The following SIX2 variants were observed in gnomAD, a reference collection of about 807,000 sequenced individuals.
SIX2 encodes the protein SIX homeobox 2.
In SIX2, 20 loss-of-function variants were observed where a neutral mutation model predicts 22.8. That is an observed-to-expected ratio of 0.88 (90% CI 0.62 to 1.28). The LOEUF (loss-of-function observed/expected upper bound fraction) is 1.28, where lower values mean the gene tolerates loss of function less well. SIX2 is among the 50% of genes most tolerant of loss of function. The pLI is 0.00. For synonymous variants in SIX2, 195 were observed against 186.4 expected (o/e 1.05, Z -0.37); for missense variants, 360 against 400.0 (o/e 0.90, Z 0.85).
In SIX2 at chr2:45,008,829, C is replaced by G; in HGVS notation, c.282G>C (p.Glu94Asp). The G allele has an allele frequency of 1.2e-6, 2 of 1,613,934 alleles. No individual in the cohort carries two copies. Among genetic ancestry groups the G allele is most frequent in the Non-Finnish European group, 1.7e-6 (2 of 1,179,962 alleles). Residue 94 changes from glutamate to aspartate, a missense_variant, in exon 1 of 2, where the codon GAG becomes GAC. Physicochemically the swap from Glu to Asp is conservative, Grantham distance 45. Transcript: ENST00000303077. ...QQLWLKAHYI[E>D]AEKLRGRPLG... ...GGGGTCGGCCGCGCAGCTTCTCCGC[C>G]TCGATGTAGTGTGCCTTGAGCCACA...
In SIX2 at chr2:45,005,959, C is replaced by A; in HGVS notation, c.*211G>T. The A allele has an allele frequency of 1.5e-6, 1 of 657,952 alleles. No individual in the cohort carries two copies. Among genetic ancestry groups the A allele is most frequent in the South Asian group, 1.8e-5 (1 of 56,966 alleles). The allele number at this position is 657,952 out of a possible 1,614,324, so 40.8% of individuals were successfully genotyped here. A position where few individuals can be genotyped will look rare whatever the true frequency, so the allele number is the denominator to read the frequency against. ...GTGGTTCAAGACTCAGTCTCCAGCC[C>A]CAAAAGGATCCTAAAAGTAACTTGT... On this transcript the variant is annotated 3_prime_UTR_variant, in exon 2 of 2. Transcript: ENST00000303077.
chr2:45,008,898 C>T lies in SIX2; in HGVS notation c.213G>A (p.Glu71=), dbSNP rs756350301. The change falls in exon 1 of 2, where the codon GAG becomes GAA. Residue 71 remains glutamate, a synonymous_variant. Transcript: ENST00000303077. ...GGTTGTGCGGCGAGAACTGGTGGCT[C>T]TCCAGGATCTTGTAGAGCTCGCGGA... ...GNFRELYKIL[E]SHQFSPHNHA... is the part of the protein sequence containing the mutation. 55 of 1,614,016 alleles carry T rather than the reference C, an allele frequency of 3.4e-5. No individual in the cohort carries two copies. The highest frequency in any genetic ancestry group is 4.6e-5 in the Non-Finnish European group (54 of 1,179,974).
At chr2:45,008,442 C>T in intron 1 of SIX2, 109 bp downstream of exon 1, 2 of 1,206,138 alleles carry the variant, frequency 1.7e-6, no homozygotes, top group Non-Finnish European at 2.4e-6. Context: ...GGGCTGTGGC[C>T]GGGCCTGGGG....
rs1667732803 is a variant in SIX2, at chr2:45,005,442, C to G, written c.*728G>C. The stretch of plus-strand genomic sequence containing the variant: ...GGGCTTCTGTGGCGCTGCCCTTTCT[C>G]TCTCACTTAAGTTACTAGACGAAAA... On this transcript the variant is annotated 3_prime_UTR_variant, in exon 2 of 2. Transcript: ENST00000303077. 1 of 152,426 alleles carries G rather than the reference C, an allele frequency of 6.6e-6. No individual in the cohort carries two copies. The highest frequency in any genetic ancestry group is 1.5e-5 in the Non-Finnish European group (1 of 68,234). The allele number at this position is 152,426 out of a possible 1,614,324, so 9.4% of individuals were successfully genotyped here. A position where few individuals can be genotyped will look rare whatever the true frequency, so the allele number is the denominator to read the frequency against.
Position 45,009,166 on chromosome 2 carries a change from C to T in SIX2, c.-56G>A. Reference sequence around the variant, plus strand: ...GCGCCCTCACCGGGCCGCGCGGTCCCGCATGGGAGCTTCCTCGCCGGGCCG... The same window carrying T: ...GCGCCCTCACCGGGCCGCGCGGTCCTGCATGGGAGCTTCCTCGCCGGGCCG... On this transcript the variant is annotated 5_prime_UTR_variant, in exon 1 of 2. Transcript: ENST00000303077. 3 of 1,393,830 alleles carry T rather than the reference C, an allele frequency of 2.2e-6. No homozygotes were observed. The South Asian group carries it at 4.8e-5, about 22-fold the overall frequency. 86.3% of individuals were successfully genotyped at this position (1,393,830 alleles called of 1,614,324 possible).
At position 45,009,129 on chromosome 2, in the gene SIX2, GC is replaced by G. The variant is rs1448154178; in HGVS notation, c.-20del. 4 of 1,529,636 alleles carry G rather than the reference GC, an allele frequency of 2.6e-6. No homozygotes were observed. The highest frequency in any genetic ancestry group is 3.5e-6 in the Non-Finnish European group (4 of 1,144,720). 94.8% of individuals were successfully genotyped at this position (1,529,636 alleles called of 1,614,324 possible). ...TGGACATGGTGCCGGCTGCGTCCCC[GC>G]CCGCCCGCGCGCGCCCTCACCGGGC... On this transcript the variant is annotated 5_prime_UTR_variant, in exon 1 of 2. Coordinates refer to ENST00000303077, the MANE Select transcript of SIX2 (RefSeq NM_016932.5).
chr2:45,006,070 G>C lies in SIX2; in HGVS notation c.*100C>G. ...ACCCGCTCAGCCTGCGGGTCTTTCA[G>C]TACCTGGTGGGGCCGCAGGGGCGGG... On this transcript the variant is annotated 3_prime_UTR_variant, in exon 2 of 2. Coordinates refer to ENST00000303077, the MANE Select transcript of SIX2 (RefSeq NM_016932.5). The surrounding 1 kb of genome is among the most constrained non-coding windows in gnomAD (Gnocchi z 4.2). The C allele has an allele frequency of 7.7e-7, 1 of 1,303,816 alleles. No individual in the cohort carries two copies. The highest frequency in any genetic ancestry group is 1.1e-6 in the Non-Finnish European group (1 of 897,002). 80.8% of individuals were successfully genotyped at this position (1,303,816 alleles called of 1,614,324 possible).
rs1166544818 is a variant in SIX2, at chr2:45,009,156, C to G, written c.-46G>C. ...CCGCCCGCGCGCGCCCTCACCGGGC[C>G]GCGCGGTCCCGCATGGGAGCTTCCT... On this transcript the variant is annotated 5_prime_UTR_variant, in exon 1 of 2. Coordinates refer to ENST00000303077, the MANE Select transcript of SIX2 (RefSeq NM_016932.5). 6.8e-7 allele frequency: 1 copy of G among 1,470,758 alleles called. No individual in the cohort carries two copies. Among genetic ancestry groups the G allele is most frequent in the Non-Finnish European group, 8.9e-7 (1 of 1,119,598 alleles). 91.1% of individuals were successfully genotyped at this position (1,470,758 alleles called of 1,614,324 possible). A position where few individuals can be genotyped will look rare whatever the true frequency, so the allele number is the denominator to read the frequency against.
chr2:45,009,094 G>A lies in SIX2; in HGVS notation c.17C>T (p.Thr6Ile). MSMLP[T>I]FGFTQEQVAC... Reference sequence around the variant, plus strand: ...CACTTGCTCCTGCGTGAAGCCGAAGGTGGGCAGCATGGACATGGTGCCGGC... The same window carrying A: ...CACTTGCTCCTGCGTGAAGCCGAAGATGGGCAGCATGGACATGGTGCCGGC... The change falls in exon 1 of 2, where the codon ACC (threonine) becomes ATC (isoleucine). Residue 6 changes from threonine (T) to isoleucine (I), a missense_variant. Physicochemically the swap from Thr to Ile is moderately conservative, Grantham distance 89 (BLOSUM62 -1). Around this residue, in one of 3 missense-constraint regions of SIX2, gnomAD observed 118 missense variants for 135.1 expected, o/e 0.87. Transcript: ENST00000303077. 6.3e-7 allele frequency: 1 copy of A among 1,582,070 alleles called. No homozygotes were observed. Among genetic ancestry groups the A allele is most frequent in the African/African-American group, 1.3e-5 (1 of 74,572 alleles).
chr2:45,006,613 T>C lies in SIX2; in HGVS notation c.561-128A>G. 1.1e-6 allele frequency: 1 copy of C among 902,414 alleles called. No homozygotes were observed. The highest frequency in any genetic ancestry group is 1.8e-6 in the Non-Finnish European group (1 of 554,932). 55.9% of individuals were successfully genotyped at this position (902,414 alleles called of 1,614,324 possible). Reference sequence around the variant, plus strand: ...TCCCGGGCTTGTGGCCTGCGGGTGTTTTCGGTTTCTACCATTTCCTCGACC... The same window carrying C: ...TCCCGGGCTTGTGGCCTGCGGGTGTCTTCGGTTTCTACCATTTCCTCGACC... On this transcript the variant is annotated intron_variant, in intron 1 of 1. Transcript: ENST00000303077. The surrounding 1 kb of genome is among the most constrained non-coding windows in gnomAD (Gnocchi z 4.2).
intron 1 of SIX2, among the ~76,000 whole-genome samples, chr2:45,007,143 G>A (rs1016757578): frequency 1.3e-5 from 2 of 152,200 alleles, no homozygotes; most frequent in Admixed American, 6.5e-5. Context: ...TTTCCGTGGT[G>A]GTACAGTGAA....
chr2:45,005,961 A>C lies in SIX2; in HGVS notation c.*209T>G. On this transcript the variant is annotated 3_prime_UTR_variant, in exon 2 of 2. Coordinates refer to ENST00000303077, the MANE Select transcript of SIX2 (RefSeq NM_016932.5). ...GGTTCAAGACTCAGTCTCCAGCCCC[A>C]AAAGGATCCTAAAAGTAACTTGTTG... 3.0e-6 allele frequency: 2 copies of C among 658,788 alleles called. No individual in the cohort carries two copies. Among genetic ancestry groups the C allele is most frequent in the Middle Eastern group, 3.9e-4 (1 of 2,552 alleles). The allele number at this position is 658,788 out of a possible 1,614,324, so 40.8% of individuals were successfully genotyped here. A position where few individuals can be genotyped will look rare whatever the true frequency, so the allele number is the denominator to read the frequency against.
rs1231240255 is a variant in SIX2, at chr2:45,005,966, G to A, written c.*204C>T. ...AAGACTCAGTCTCCAGCCCCAAAAG[G>A]ATCCTAAAAGTAACTTGTTGAAAAT... is the stretch of plus-strand genomic sequence containing the variant. On this transcript the variant is annotated 3_prime_UTR_variant, in exon 2 of 2. Coordinates refer to ENST00000303077, the MANE Select transcript of SIX2 (RefSeq NM_016932.5). The A allele has an allele frequency of 7.5e-6, 5 of 666,482 alleles. No individual in the cohort carries two copies. The African/African-American group carries it at 9.0e-5, about 12-fold the overall frequency. The allele number at this position is 666,482 out of a possible 1,614,324, so 41.3% of individuals were successfully genotyped here.
chr2:45,006,200 C>T lies in SIX2; in HGVS notation c.846G>A (p.Met282Ile). ...HGLQDSILNPMSANLVDLGS is the reference protein window; with the variant it reads ...HGLQDSILNPISANLVDLGS ...AGCCCAGGTCCACGAGGTTGGCTGA[C>T]ATGGGGTTGAGGATGGAGTCCTGCA... Residue 282 changes from methionine (M) to isoleucine (I), a missense_variant, in exon 2 of 2, where the codon ATG (methionine) becomes ATA (isoleucine). Coordinates refer to ENST00000303077, the MANE Select transcript of SIX2 (RefSeq NM_016932.5). This position sits in a 1 kb window ranked among gnomAD's most constrained non-coding sequence, Gnocchi z 4.2. 3.7e-6 allele frequency: 6 copies of T among 1,614,242 alleles called. No individual in the cohort carries two copies. The highest frequency in any genetic ancestry group is 5.1e-6 in the Non-Finnish European group (6 of 1,180,040).
rs1399615363 is a variant in SIX2 at position 45,006,232 on chromosome 2, G to A, written c.814C>T (p.His272Tyr). 1.2e-6 allele frequency: 2 copies of A among 1,614,136 alleles called. No homozygotes were observed. The highest frequency in any genetic ancestry group is 1.7e-5 in the Admixed American group (1 of 60,016). Residue 272 changes from histidine (H) to tyrosine (Y), a missense_variant, in exon 2 of 2, where the codon CAT (histidine) becomes TAT (tyrosine). Coordinates refer to ENST00000303077, the MANE Select transcript of SIX2 (RefSeq NM_016932.5). This position sits in a 1 kb window ranked among gnomAD's most constrained non-coding sequence, Gnocchi z 4.2. The stretch of plus-strand genomic sequence containing the variant: ...TTGAGGATGGAGTCCTGCAGGCCAT[G>A]GTGGTGTTGCAGTGGGTCCGCTCCA... Reference protein sequence around the residue: ...GGGADPLQHHHGLQDSILNPM... With the variant: ...GGGADPLQHHYGLQDSILNPM...
Position 45,006,043 on chromosome 2 carries a change from C to G in SIX2, c.*127G>C. The stretch of plus-strand genomic sequence containing the variant: ...CAGCTATCTGCCCTACCCGGCTGTT[C>G]TACCCGCTCAGCCTGCGGGTCTTTC... On this transcript the variant is annotated 3_prime_UTR_variant, in exon 2 of 2. Transcript: ENST00000303077. The surrounding 1 kb of genome is among the most constrained non-coding windows in gnomAD (Gnocchi z 4.2). The G allele has an allele frequency of 1.0e-6, 1 of 1,001,128 alleles. No homozygotes were observed. Among genetic ancestry groups the G allele is most frequent in the South Asian group, 1.3e-5 (1 of 77,822 alleles). The allele number at this position is 1,001,128 out of a possible 1,614,324, so 62.0% of individuals were successfully genotyped here. A position where few individuals can be genotyped will look rare whatever the true frequency, so the allele number is the denominator to read the frequency against.
In SIX2 at chr2:45,009,038, C is replaced by A. The variant is rs748497053; in HGVS notation, c.73G>T (p.Gly25Cys). ...AAGCGGCCCAGCCGCTCGATGTTGC[C>A]GCCCTGCTGCAGCACCTCGCACACG... ...ACVCEVLQQG[G>C]NIERLGRFLW... Residue 25 changes from glycine to cysteine, a missense_variant, in exon 1 of 2, where the codon GGC becomes TGC. By Grantham distance (159) the Gly-to-Cys change is radical (BLOSUM62 -3). Around this residue, in one of 3 missense-constraint regions of SIX2, gnomAD observed 118 missense variants for 135.1 expected, o/e 0.87. Transcript: ENST00000303077. The A allele has an allele frequency of 3.7e-6, 6 of 1,608,512 alleles. No individual in the cohort carries two copies. The highest frequency in any genetic ancestry group is 1.3e-5 in the African/African-American group (1 of 74,998).
Position 45,006,090 on chromosome 2 carries a change from G to A in SIX2, c.*80C>T. The stretch of plus-strand genomic sequence containing the variant: ...TTTCAGTACCTGGTGGGGCCGCAGG[G>A]GCGGGGCGCCCCTGGACACCGCCAC... On this transcript the variant is annotated 3_prime_UTR_variant, in exon 2 of 2. Coordinates refer to ENST00000303077, the MANE Select transcript of SIX2 (RefSeq NM_016932.5). This position sits in a 1 kb window ranked among gnomAD's most constrained non-coding sequence, Gnocchi z 4.2. The A allele has an allele frequency of 6.6e-7, 1 of 1,504,688 alleles. No individual in the cohort carries two copies. Among genetic ancestry groups the A allele is most frequent in the Non-Finnish European group, 9.3e-7 (1 of 1,080,400 alleles). The allele number at this position is 1,504,688 out of a possible 1,614,324, so 93.2% of individuals were successfully genotyped here.
chr2:45,007,539 C>G (rs1410315093), intron 1 of SIX2, among the ~76,000 whole-genome samples: 1 of 152,104 alleles, frequency 6.6e-6, no homozygotes, highest in Non-Finnish European at 1.5e-5. Flanking sequence ...CTGGAAGTAT[C>G]TGAGCCTGCA....
Sources: gnomAD v4.1 joint callset for allele counts (sites outside exome capture counted in the v4.1 genomes callset) on GRCh38, gnomAD v4.1.1 for gene constraint, gnomAD v4.1.1 regional missense constraint, Gnocchi (gnomAD v3.1) non-coding constraint, MANE v1.5 for transcripts, NCBI Gene and HGNC (gene_info 2026-07-23, HGNC 2026-07-21) for gene names.